The following EBF1 variants were observed in gnomAD, a reference collection of about 807,000 sequenced individuals.
EBF1 encodes the protein transcription factor COE1.
Under a neutral mutation model 68.4 loss-of-function variants are expected in EBF1, and 10 were observed. The ratio of observed to expected loss-of-function variants is 0.15; its 90% CI spans 0.09 to 0.25. The LOEUF is 0.25. Ranked by LOEUF, EBF1 falls within the 10% of genes least tolerant of loss-of-function variation. The probability of loss-of-function intolerance (pLI) is 1.00; values close to 1 mark genes in which losing one functional copy is unlikely to be tolerated. For missense variants in EBF1, 509 were observed against 794.4 expected (o/e 0.64, Z 4.32); for synonymous variants, 298 against 299.8 (o/e 0.99, Z 0.06).
At chr5:158,920,713 G>T (rs1035953930) in intron 6 of EBF1, among the ~76,000 whole-genome samples, 1 of 152,088 alleles carries the variant, frequency 6.6e-6, no homozygotes, top group Non-Finnish European at 1.5e-5. Flanking sequence ...CAAGTAGCTG[G>T]GATTATAGGC....
chr5:159,096,249 T>A, intron 3 of EBF1, 94 bp downstream of exon 3: 2 of 1,344,226 alleles, frequency 1.5e-6, no homozygotes, highest in Non-Finnish European at 2.0e-6. Context: ...ATGACTGACC[T>A]TCGCTGGAGG....
chr5:158,891,940 C>A (rs1182428282), intron 6 of EBF1, among the ~76,000 whole-genome samples: 1 of 152,040 alleles, frequency 6.6e-6, no homozygotes, highest in Non-Finnish European at 1.5e-5. Flanking sequence ...CAATGAGTTA[C>A]CATTCACCTA....
chr5:159,033,416 T>G (rs1769348657), intron 6 of EBF1, among the ~76,000 whole-genome samples: 1 of 152,256 alleles, frequency 6.6e-6, no homozygotes, highest in Non-Finnish European at 1.5e-5. Flanking sequence ...AAGCTTCACA[T>G]GGCTTCCTTT....
At chr5:158,948,546 A>C (rs1262790982) in intron 6 of EBF1, among the ~76,000 whole-genome samples, 1 of 152,110 alleles carries the variant, frequency 6.6e-6, no homozygotes, top group African/African-American at 2.4e-5. Context: ...TTGAAAGGGG[A>C]GAGCCAAATT....
chr5:158,705,504 A>C (rs1757681899), intron 15 of EBF1, among the ~76,000 whole-genome samples: 1 of 152,376 alleles, frequency 6.6e-6, no homozygotes, highest in African/African-American at 2.4e-5. Context: ...GCAGTTATTC[A>C]GAGAAATGGG....
chr5:158,826,512 G>A (rs1042950906), intron 7 of EBF1, among the ~76,000 whole-genome samples: 2 of 152,152 alleles, frequency 1.3e-5, no homozygotes, highest in Non-Finnish European at 2.9e-5. Context: ...GAAATAAATT[G>A]TGCACTTGAT....
chr5:159,005,675 T>C (rs1232917770), intron 6 of EBF1, among the ~76,000 whole-genome samples: 1 of 152,098 alleles, frequency 6.6e-6, no homozygotes, highest in Non-Finnish European at 1.5e-5. Context: ...AACCAGAATA[T>C]CAACTTTTGA....
chr5:158,924,714 G>A (rs892012506), intron 6 of EBF1, among the ~76,000 whole-genome samples: 4 of 151,382 alleles, frequency 2.6e-5, no homozygotes, highest in African/African-American at 2.4e-5. Context: ...TTAGCCGGGC[G>A]TGGTGGCGGG....
At chr5:159,043,134 G>T (rs1771586507) in intron 6 of EBF1, among the ~76,000 whole-genome samples, 1 of 152,082 alleles carries the variant, frequency 6.6e-6, no homozygotes, top group African/African-American at 2.4e-5. Context: ...TCTCTATTTT[G>T]CAGACAAAAA....
chr5:158,769,134 G>A (rs929031054), intron 10 of EBF1, among the ~76,000 whole-genome samples: 2 of 152,168 alleles, frequency 1.3e-5, no homozygotes, highest in Non-Finnish European at 2.9e-5. Flanking sequence ...TCATGCCTTA[G>A]ATTGGACCAG....
intron 10 of EBF1, among the ~76,000 whole-genome samples, chr5:158,764,879 A>G (rs1250088195): frequency 2.0e-5 from 3 of 152,206 alleles, no homozygotes; most frequent in Admixed American, 1.3e-4. Context: ...TTAAATGACC[A>G]TAAGTGAACC....
At chr5:158,833,942 A>T (rs2127937703) in intron 7 of EBF1, among the ~76,000 whole-genome samples, 1 of 152,366 alleles carries the variant, frequency 6.6e-6, no homozygotes, top group East Asian at 1.9e-4. Context: ...GAATGCACGC[A>T]TTCCTGCATG....
At chr5:158,847,355 A>AAGTCTTG (rs1791721826) in intron 6 of EBF1, among the ~76,000 whole-genome samples, 1 of 152,214 alleles carries the variant, frequency 6.6e-6, no homozygotes, top group South Asian at 2.1e-4. Flanking sequence ...AGGCAGGAAA[A>AAGTCTTG]AGTCTTGAGA....
At chr5:158,785,426 A>C (rs1777231133) in intron 9 of EBF1, among the ~76,000 whole-genome samples, 1 of 152,208 alleles carries the variant, frequency 6.6e-6, no homozygotes, top group Non-Finnish European at 1.5e-5. Context: ...TGGCTACCAC[A>C]TAAATCAGGG....
At chr5:159,081,984 C>T (rs1027251977) in intron 5 of EBF1, among the ~76,000 whole-genome samples, 6 of 152,172 alleles carry the variant, frequency 3.9e-5, no homozygotes, top group African/African-American at 1.4e-4. Flanking sequence ...GAGGCTTTGT[C>T]TCTGAGTGGT....
intron 6 of EBF1, among the ~76,000 whole-genome samples, chr5:158,946,251 A>G (rs1814655821): frequency 6.6e-6 from 1 of 152,118 alleles, no homozygotes; most frequent in African/African-American, 2.4e-5. Flanking sequence ...GATCCTTTGG[A>G]GGAGAAGAGG....
At chr5:159,097,225 C>T (rs1248740653) in intron 1 of EBF1, 95 bp from the exon 2 acceptor site, 9 of 1,382,168 alleles carry the variant, frequency 6.5e-6, no homozygotes, top group Non-Finnish European at 6.8e-6. Context: ...AAACACCCAC[C>T]TCCTCTTCCC....
intron 10 of EBF1, among the ~76,000 whole-genome samples, chr5:158,738,692 A>C (rs1394682241): frequency 6.6e-6 from 1 of 151,450 alleles, no homozygotes; most frequent in Non-Finnish European, 1.5e-5. Context: ...GAGGCACAGA[A>C]AGAGTTGGTT....
chr5:158,928,956 G>A (rs984861787), intron 6 of EBF1, among the ~76,000 whole-genome samples: 1 of 152,032 alleles, frequency 6.6e-6, no homozygotes, highest in Non-Finnish European at 1.5e-5. Flanking sequence ...TACTTTTTGT[G>A]TTTTATCATT....
Sources: gnomAD v4.1 joint callset for allele counts (sites outside exome capture counted in the v4.1 genomes callset) on GRCh38, gnomAD v4.1.1 for gene constraint, MANE v1.5 for transcripts, NCBI Gene and HGNC (gene_info 2026-07-23, HGNC 2026-07-21) for gene names.